NUP210: variants seen among roughly 807,000 people sequenced by gnomAD.
The protein encoded by NUP210 is nuclear pore membrane glycoprotein 210.
Under a neutral mutation model 196.0 loss-of-function variants are expected in NUP210, and 151 were observed. The ratio of observed to expected loss-of-function variants is 0.77; its 90% CI spans 0.67 to 0.88. The LOEUF (loss-of-function observed/expected upper bound fraction) is 0.88, where lower values mean the gene tolerates loss of function less well. NUP210 is among the 40% of genes least tolerant of loss of function. The pLI, the probability that NUP210 is intolerant of heterozygous loss-of-function variation, is 0.00. For synonymous variants in NUP210, 1,070 were observed against 1,052.7 expected, an observed-to-expected ratio of 1.02 and a Z score of -0.32; for missense variants, 2,314 against 2,493.7, an observed-to-expected ratio of 0.93 and a Z score of 1.53.
intron 14 of NUP210, among the ~76,000 whole-genome samples, chr3:13,363,419 G>A (rs11710695): frequency 0.022 from 3,386 of 152,314 alleles, 72 homozygotes; most frequent in Non-Finnish European, 0.031. Context: ...TGAAAGAACT[G>A]TGCGAAGGAG....
At chr3:13,410,274 AG>A (rs1553605162) in intron 1 of NUP210, among the ~76,000 whole-genome samples, 3 of 146,310 alleles carry the variant, frequency 2.1e-5, no homozygotes, top group Non-Finnish European at 4.6e-5. Context: ...TCCACCTCCC[AG>A]GTTCAAGTGA....
At position 13,321,692 on chromosome 3, in the gene NUP210, A is replaced by G. The variant is rs1301061023; in HGVS notation, c.5059T>C (p.Phe1687Leu). The change falls in exon 36 of 40, where the codon TTC becomes CTC. Residue 1687 changes from phenylalanine to leucine, a missense_variant. Coordinates refer to ENST00000254508, the MANE Select transcript of NUP210 (RefSeq NM_024923.4). ...STEQVGAEVP[F>L]SPGLFADQAE... ...TGGTCGGCGAAGAGACCTGGGCTGA[A>G]GGGCACCTCGGCCCCCACCTGCTCT... is the stretch of plus-strand genomic sequence containing the variant. 4 of 1,613,992 alleles carry G rather than the reference A, an allele frequency of 2.5e-6. No individual in the cohort carries two copies. In the East Asian group the frequency reaches 8.9e-5, roughly 36 times the overall value.
intron 1 of NUP210, among the ~76,000 whole-genome samples, chr3:13,400,521 G>A (rs1699800614): frequency 6.6e-6 from 1 of 152,248 alleles, no homozygotes; most frequent in Non-Finnish European, 1.5e-5. Flanking sequence ...TGTGGGGAAA[G>A]CTATCTGCTG....
At chr3:13,327,495 A>C in intron 31 of NUP210, 58 bp from the exon 32 acceptor site, 1 of 1,272,986 alleles carries the variant, frequency 7.9e-7, no homozygotes, top group Non-Finnish European at 1.1e-6. Context: ...TCCAACTCCC[A>C]AAGGGAGAAA....
intron 27 of NUP210, 35 bp downstream of exon 27, chr3:13,336,752 G>T (rs1466124975): frequency 6.2e-7 from 1 of 1,604,704 alleles, no homozygotes; most frequent in Non-Finnish European, 8.5e-7. Context: ...TGGGACAGGG[G>T]TGGGAGGTGA....
chr3:13,392,556 C>T (rs1699524508), intron 3 of NUP210, among the ~76,000 whole-genome samples: 2 of 152,194 alleles, frequency 1.3e-5, no homozygotes, highest in Admixed American at 6.5e-5. Flanking sequence ...TCCACACCAG[C>T]GAAGCACATC....
At position 13,325,867 on chromosome 3, in the gene NUP210, C is replaced by A; in HGVS notation, c.4572G>T (p.Val1524=). The change falls in exon 33 of 40, where the codon GTG becomes GTT. Residue 1524 remains valine, a synonymous_variant. Transcript: ENST00000254508. ...SILHIDPKTG[V]AVARAVGSVT... is the part of the protein sequence containing the mutation. ...CGGATCCCACGGCCCGGGCCACAGC[C>A]ACACCCGTCTTGGGGTCGATGTGGA... 5 of 1,614,130 alleles carry A rather than the reference C, an allele frequency of 3.1e-6. No individual in the cohort carries two copies. The highest frequency in any genetic ancestry group is 4.2e-6 in the Non-Finnish European group (5 of 1,180,036).
At position 13,316,386 on chromosome 3, in the gene NUP210, A is replaced by T. The variant is rs1037835201; in HGVS notation, c.*1295T>A. 1 of 152,252 alleles carries T rather than the reference A, an allele frequency of 6.6e-6. No homozygotes were observed. The highest frequency in any genetic ancestry group is 6.5e-5 in the Admixed American group (1 of 15,282). 9.4% of individuals were successfully genotyped at this position (152,252 alleles called of 1,614,324 possible). A position where few individuals can be genotyped will look rare whatever the true frequency, so the allele number is the denominator to read the frequency against. ...CAACCACATGGCCCAGCCCTGAAGGACTGAAGGGAGCTTGTGCGGGATCCC... is the reference window on the plus strand; with the variant it reads ...CAACCACATGGCCCAGCCCTGAAGGTCTGAAGGGAGCTTGTGCGGGATCCC... On this transcript the variant is annotated 3_prime_UTR_variant, in exon 40 of 40. Coordinates refer to ENST00000254508, the MANE Select transcript of NUP210 (RefSeq NM_024923.4).
At chr3:13,405,263 A>G (rs1190025482) in intron 1 of NUP210, among the ~76,000 whole-genome samples, 1 of 152,188 alleles carries the variant, frequency 6.6e-6, no homozygotes, top group Non-Finnish European at 1.5e-5. Context: ...AAGCCTGAGC[A>G]AGGAGAATTC....
intron 3 of NUP210, among the ~76,000 whole-genome samples, chr3:13,396,427 T>A (rs946816316): frequency 6.6e-6 from 1 of 151,980 alleles, no homozygotes; most frequent in African/African-American, 2.4e-5. Flanking sequence ...ACTTTTATTT[T>A]CTCTGACAAG....
At chr3:13,349,608 C>T (rs908429264) in intron 20 of NUP210, among the ~76,000 whole-genome samples, 1 of 152,230 alleles carries the variant, frequency 6.6e-6, no homozygotes, top group African/African-American at 2.4e-5. Context: ...GAGAGATGCA[C>T]CACTGTGCCC....
intron 6 of NUP210, among the ~76,000 whole-genome samples, chr3:13,385,850 T>C (rs933949081): frequency 6.6e-6 from 1 of 152,212 alleles, no homozygotes; most frequent in African/African-American, 2.4e-5. Flanking sequence ...AATGGAGCAC[T>C]ATTCAGCCTT....
rs376150084 is a variant in NUP210 at position 13,366,221 on chromosome 3, G to A, written c.1787-130C>T. On this transcript the variant is annotated intron_variant, in intron 13 of 39. Transcript: ENST00000254508. ...TTGGCTCACTGCGACCTCCGCCTCC[G>A]GGGTTCAAGTGATTCTCCTGCCTCA... 184 of 837,306 alleles carry A rather than the reference G, an allele frequency of 2.2e-4. 2 individuals carry two copies. The highest frequency in any genetic ancestry group is 2.0e-3 in the South Asian group (107 of 54,558). 51.9% of individuals were successfully genotyped at this position (837,306 alleles called of 1,614,324 possible). A position where few individuals can be genotyped will look rare whatever the true frequency, so the allele number is the denominator to read the frequency against.
intron 6 of NUP210, among the ~76,000 whole-genome samples, chr3:13,384,864 T>A (rs1699221454): frequency 6.6e-6 from 1 of 152,176 alleles, no homozygotes; most frequent in Non-Finnish European, 1.5e-5. Context: ...GAAAGCCACA[T>A]CTTGGACTGT....
intron 30 of NUP210, 46 bp from the exon 31 acceptor site, chr3:13,328,992 T>G: frequency 3.2e-6 from 5 of 1,576,152 alleles, no homozygotes; most frequent in Non-Finnish European, 4.3e-6. Context: ...TGCCAGGGAC[T>G]GGCCTCCAGG....
At chr3:13,373,935 G>C in intron 11 of NUP210, 62 bp from the exon 12 acceptor site, 1 of 1,584,472 alleles carries the variant, frequency 6.3e-7, no homozygotes, top group Non-Finnish European at 8.6e-7. Context: ...GGAAGTCAGA[G>C]GGTCAGAGAC....
intron 25 of NUP210, among the ~76,000 whole-genome samples, chr3:13,339,516 G>A (rs1697370669): frequency 6.6e-6 from 1 of 152,254 alleles, no homozygotes; most frequent in Non-Finnish European, 1.5e-5. Flanking sequence ...TCAAGGAGAT[G>A]AAGGCAAAGT....
chr3:13,420,045 G>T lies in NUP210; in HGVS notation c.167+15C>A. 8.0e-7 allele frequency: 1 copy of T among 1,246,836 alleles called. No individual in the cohort carries two copies. 77.2% of individuals were successfully genotyped at this position (1,246,836 alleles called of 1,614,324 possible). ...CCGGCCCACGGCGCCCGCCCGGCCC[G>T]GCCGCGCGCCTCACCAGCGGTAGCA... is the stretch of plus-strand genomic sequence containing the variant. On this transcript the variant is annotated intron_variant, in intron 1 of 39. Coordinates refer to ENST00000254508, the MANE Select transcript of NUP210 (RefSeq NM_024923.4). This position sits in a 1 kb window ranked among gnomAD's most constrained non-coding sequence, Gnocchi z 4.8.
intron 1 of NUP210, among the ~76,000 whole-genome samples, chr3:13,407,170 AG>A (rs1700031249): frequency 6.6e-6 from 1 of 152,194 alleles, no homozygotes; most frequent in African/African-American, 2.4e-5. Flanking sequence ...TCTCAGATCT[AG>A]GAAAAAGGAG....
Sources: allele counts gnomAD v4.1 joint callset (sites outside exome capture counted in the v4.1 genomes callset), GRCh38; gene constraint gnomAD v4.1.1; non-coding constraint Gnocchi (gnomAD v3.1); transcripts MANE v1.5; gene names NCBI Gene and HGNC (gene_info 2026-07-23, HGNC 2026-07-21).